GALNT13: variants seen among roughly 807,000 people sequenced by gnomAD.
GALNT13 encodes UDP-GalNAc:polypeptide N-acetylgalactosaminyltransferase 13.
GALNT13 carries 28 observed loss-of-function variants against 64.2 expected under a neutral mutation model. That is an observed-to-expected ratio of 0.44 (90% CI 0.32 to 0.60). The LOEUF (loss-of-function observed/expected upper bound fraction) is 0.60, where lower values mean the gene tolerates loss of function less well. Ranked by LOEUF, GALNT13 falls within the 20% of genes least tolerant of loss-of-function variation. The pLI is 0.05. For missense variants in GALNT13, 577 were observed against 669.8 expected (o/e 0.86, Z 1.53); for synonymous variants, 214 against 224.6 (o/e 0.95, Z 0.42).
the GALNT13 span, among the ~76,000 whole-genome samples, chr2:153,671,391 A>T: frequency 6.6e-6 from 1 of 152,318 alleles, no homozygotes; most frequent in Middle Eastern, 3.4e-3. Flanking sequence ...AGTGGGGGCC[A>T]ATATTCAACA....
the GALNT13 span, among the ~76,000 whole-genome samples, chr2:153,259,081 T>C: frequency 2.6e-5 from 4 of 152,206 alleles, no homozygotes; most frequent in Admixed American, 2.0e-4. Context: ...TTAGCTCTCA[T>C]ATTTGCTTTA....
the GALNT13 span, among the ~76,000 whole-genome samples, chr2:153,789,319 A>T: frequency 9.3e-5 from 14 of 150,502 alleles, 1 homozygote; most frequent in African/African-American, 2.5e-4. Flanking sequence ...AATGACAGGA[A>T]ATTAAACAAC....
chr2:153,492,283 T>C, the GALNT13 span, among the ~76,000 whole-genome samples: 1 of 152,076 alleles, frequency 6.6e-6, no homozygotes, highest in South Asian at 2.1e-4. Flanking sequence ...TAAGGACAAA[T>C]TACCAACAGC....
the GALNT13 span, among the ~76,000 whole-genome samples, chr2:153,068,868 C>A: frequency 2.0e-5 from 3 of 152,138 alleles, no homozygotes; most frequent in Admixed American, 2.0e-4. Flanking sequence ...CCTGCCTTCT[C>A]CTCCCCAATT....
chr2:153,105,485 C>T, the GALNT13 span, among the ~76,000 whole-genome samples: 2 of 152,080 alleles, frequency 1.3e-5, no homozygotes, highest in African/African-American at 4.8e-5. Context: ...CCCTCTCTCA[C>T]CACTCCTATT....
At chr2:153,798,121 A>G in the GALNT13 span, among the ~76,000 whole-genome samples, 3 of 152,240 alleles carry the variant, frequency 2.0e-5, no homozygotes, top group Middle Eastern at 3.4e-3. Flanking sequence ...CATTGTCCCT[A>G]TTTGATTGAA....
At chr2:153,191,726 G>A in the GALNT13 span, among the ~76,000 whole-genome samples, 1 of 149,530 alleles carries the variant, frequency 6.7e-6, no homozygotes, top group African/African-American at 2.5e-5. Flanking sequence ...TTTTGAAACC[G>A]ATTCAATGTT....
the GALNT13 span, among the ~76,000 whole-genome samples, chr2:153,798,383 T>C: frequency 2.0e-5 from 3 of 152,200 alleles, no homozygotes; most frequent in African/African-American, 7.2e-5. Context: ...AAAGGAAATG[T>C]ATAAGTGAAT....
At chr2:153,120,859 A>G in the GALNT13 span, among the ~76,000 whole-genome samples, 2 of 152,146 alleles carry the variant, frequency 1.3e-5, no homozygotes, top group African/African-American at 4.8e-5. Flanking sequence ...CTTTCTGTTA[A>G]CGAGAGTGAA....
At chr2:153,105,194 C>T in the GALNT13 span, among the ~76,000 whole-genome samples, 1 of 151,764 alleles carries the variant, frequency 6.6e-6, no homozygotes, top group Admixed American at 6.6e-5. Flanking sequence ...GGGCTTCATC[C>T]CTGGGATGCA....
chr2:153,522,191 AGGTGT>A, the GALNT13 span, among the ~76,000 whole-genome samples: 2 of 152,054 alleles, frequency 1.3e-5, no homozygotes, highest in African/African-American at 4.8e-5. Context: ...AAAATTAGTC[AGGTGT>A]GGTGGCACGT....
chr2:153,333,717 G>T, the GALNT13 span, among the ~76,000 whole-genome samples: 1 of 152,128 alleles, frequency 6.6e-6, no homozygotes. Flanking sequence ...GCTTAAGAAA[G>T]TTACTCATAG....
chr2:154,292,077 T>C (rs1692677711), intron 8 of GALNT13, among the ~76,000 whole-genome samples: 1 of 152,164 alleles, frequency 6.6e-6, no homozygotes, highest in East Asian at 1.9e-4. Context: ...CTCTGTGCTC[T>C]GGGTGGAGCT....
intron 10 of GALNT13, among the ~76,000 whole-genome samples, chr2:154,403,473 C>T (rs536374727): frequency 2.6e-5 from 4 of 150,976 alleles, no homozygotes; most frequent in African/African-American, 4.9e-5. Context: ...AAAACAAAAA[C>T]GAAAAAAAAA....
the GALNT13 span, among the ~76,000 whole-genome samples, chr2:153,499,269 G>A: frequency 2.0e-5 from 3 of 152,180 alleles, no homozygotes; most frequent in Admixed American, 6.5e-5. Flanking sequence ...ACCCAAAATG[G>A]GTGGCTCCTT....
intron 4 of GALNT13, among the ~76,000 whole-genome samples, chr2:154,159,477 G>A (rs1161264285): frequency 1.3e-5 from 2 of 152,014 alleles, no homozygotes; most frequent in African/African-American, 4.8e-5. Flanking sequence ...TGTATGGTGG[G>A]CACTCAATAA....
At chr2:153,211,662 A>T in the GALNT13 span, among the ~76,000 whole-genome samples, 1 of 152,242 alleles carries the variant, frequency 6.6e-6, no homozygotes, top group Non-Finnish European at 1.5e-5. Flanking sequence ...AAGAATCAGC[A>T]GTATCAACAT....
the GALNT13 span, among the ~76,000 whole-genome samples, chr2:153,681,397 A>C: frequency 6.6e-6 from 1 of 151,838 alleles, no homozygotes; most frequent in Non-Finnish European, 1.5e-5. Flanking sequence ...GTGAACAAGA[A>C]ATCTAATCTT....
At chr2:154,397,299 C>T (rs905050069) in intron 10 of GALNT13, among the ~76,000 whole-genome samples, 6 of 151,910 alleles carry the variant, frequency 3.9e-5, no homozygotes. Context: ...CTTAGCCAGG[C>T]GTGGTGGCAG....
Sources: gnomAD v4.1 joint callset for allele counts (sites outside exome capture counted in the v4.1 genomes callset) on GRCh38, gnomAD v4.1.1 for gene constraint, MANE v1.5 for transcripts, NCBI Gene and HGNC (gene_info 2026-07-23, HGNC 2026-07-21) for gene names.